Variants in ASS1 observed in about 807,000 individuals in gnomAD.
ASS1 encodes the protein argininosuccinate synthase 1.
In ASS1, 58 loss-of-function variants were observed where a neutral mutation model predicts 60.5. The ratio of observed to expected loss-of-function variants is 0.96; its 90% CI spans 0.78 to 1.19. The LOEUF is 1.19. Among genes scored for constraint, ASS1 ranks in the 50% most tolerant of loss-of-function variants. ASS1 has a pLI of 0.00. For missense variants in ASS1, 454 were observed against 547.3 expected, an observed-to-expected ratio of 0.83 and a Z score of 1.70; for synonymous variants, 200 against 206.9, an observed-to-expected ratio of 0.97 and a Z score of 0.29.
rs1443868871 is a variant in ASS1, at chr9:130,459,595, G to A, written c.363+1006G>A. On this transcript the variant is annotated intron_variant, in intron 4 of 14. Coordinates refer to ENST00000352480, the MANE Select transcript of ASS1 (RefSeq NM_054012.4). The surrounding 1 kb of genome is among the most constrained non-coding windows in gnomAD (Gnocchi z 4.6). ...TACAGGTGTGTACCCCACCACACCC[G>A]GCTAATTTTTTGTATTTTTAGTAGA... is the stretch of plus-strand genomic sequence containing the variant. 6.6e-6 allele frequency among the ~76,000 whole-genome samples: 1 copy of A among 152,024 alleles called. No individual in the cohort carries two copies. The highest frequency in any genetic ancestry group is 1.5e-5 in the Non-Finnish European group (1 of 68,014).
At chr9:130,454,588 G>A (rs1237975786) in intron 3 of ASS1, among the ~76,000 whole-genome samples, 1 of 152,136 alleles carries the variant, frequency 6.6e-6, no homozygotes, top group African/African-American at 2.4e-5. Flanking sequence ...CAGGTGGAGT[G>A]TCTCTTCCCC....
intron 14 of ASS1, among the ~76,000 whole-genome samples, chr9:130,499,839 C>T (rs952003505): frequency 1.3e-5 from 2 of 152,200 alleles, no homozygotes; most frequent in Non-Finnish European, 2.9e-5. Flanking sequence ...TACTTGCCCT[C>T]CCCTCCCGCT....
intron 11 of ASS1, among the ~76,000 whole-genome samples, chr9:130,486,404 C>A (rs535253456): frequency 3.3e-5 from 5 of 152,156 alleles, no homozygotes; most frequent in African/African-American, 9.7e-5. Flanking sequence ...GTGCTAAGTT[C>A]TATGTCCCTG....
At chr9:130,493,045 A>G (rs1846486983) in intron 12 of ASS1, among the ~76,000 whole-genome samples, 1 of 152,050 alleles carries the variant, frequency 6.6e-6, no homozygotes, top group Admixed American at 6.6e-5. Context: ...TGGAAACTTA[A>G]TGGGCTAATT....
chr9:130,449,302 C>T (rs1398339027), intron 1 of ASS1, among the ~76,000 whole-genome samples: 1 of 140,950 alleles, frequency 7.1e-6, no homozygotes, highest in African/African-American at 2.6e-5. Context: ...GAGATTGCAT[C>T]ACTGCACTCC....
Position 130,470,298 on chromosome 9 carries a change from G to A in ASS1, c.496-536G>A, listed in dbSNP as rs754122741. Among the ~76,000 whole-genome samples the A allele has an allele frequency of 1.3e-5, 2 of 152,198 alleles. No individual in the cohort carries two copies. The highest frequency in any genetic ancestry group is 2.9e-5 in the Non-Finnish European group (2 of 68,034). The stretch of plus-strand genomic sequence containing the variant: ...GGATCTGCTGGGTGTTCCCCTTCTA[G>A]GGTCTGCAGAGTGATGTGTGTGGCT... On this transcript the variant is annotated intron_variant, in intron 6 of 14. Coordinates refer to ENST00000352480, the MANE Select transcript of ASS1 (RefSeq NM_054012.4). The surrounding 1 kb of genome is among the most constrained non-coding windows in gnomAD (Gnocchi z 4.3).
chr9:130,450,416 G>T, intron 1 of ASS1: 1 of 902,864 alleles, frequency 1.1e-6, no homozygotes, highest in Non-Finnish European at 1.3e-6. Flanking sequence ...GGCTGCAGTT[G>T]CCATGGATAC....
At chr9:130,485,862 T>A (rs1051139271) in intron 11 of ASS1, among the ~76,000 whole-genome samples, 1 of 152,250 alleles carries the variant, frequency 6.6e-6, no homozygotes, top group Non-Finnish European at 1.5e-5. Flanking sequence ...TATCGTTATA[T>A]CTGCCATTTT....
chr9:130,466,760 C>T lies in ASS1; in HGVS notation c.456C>T (p.Asn152=). 2 of 1,614,136 alleles carry T rather than the reference C, an allele frequency of 1.2e-6. No individual in the cohort carries two copies. The highest frequency in any genetic ancestry group is 8.5e-7 in the Non-Finnish European group (1 of 1,180,030). Reference sequence around the variant, plus strand: ...CCTGGAGGATGCCTGAATTCTACAACCGGTTCAAGGGCCGCAATGACCTGA... The same window carrying T: ...CCTGGAGGATGCCTGAATTCTACAATCGGTTCAAGGGCCGCAATGACCTGA... ...IAPWRMPEFY[N]RFKGRNDLME... Residue 152 remains asparagine (N), a synonymous_variant, in exon 6 of 15, where the codon AAC becomes AAT. Coordinates refer to ENST00000352480, the MANE Select transcript of ASS1 (RefSeq NM_054012.4).
At chr9:130,468,501 T>C (rs1010682124) in intron 6 of ASS1, among the ~76,000 whole-genome samples, 1 of 152,178 alleles carries the variant, frequency 6.6e-6, no homozygotes, top group Non-Finnish European at 1.5e-5. Context: ...AGCCTCAACC[T>C]CCTGGGCTCA....
In ASS1 at chr9:130,480,344, T is replaced by TGTAG. The variant is rs776899301; in HGVS notation, c.774-40_774-39insTAGG. The TGTAG allele has an allele frequency of 7.0e-5, 113 of 1,613,224 alleles. 2 individuals carry two copies. In the South Asian group the frequency reaches 1.2e-3, roughly 17 times the overall value. ...CAGCTGGGTGGGTGACTCTGAGCCTTGCGGTAGCGCCCGAACCTAATGGAC... is the reference window on the plus strand; with the variant it reads ...CAGCTGGGTGGGTGACTCTGAGCCTTGTAGGCGGTAGCGCCCGAACCTAATGGAC... On this transcript the variant is annotated intron_variant, in intron 10 of 14. Transcript: ENST00000352480.
At chr9:130,454,842 A>G (rs1053458867) in intron 3 of ASS1, among the ~76,000 whole-genome samples, 2 of 147,930 alleles carry the variant, frequency 1.4e-5, no homozygotes, top group Admixed American at 1.3e-4. Context: ...TCATCCATCC[A>G]TCCATCCATT....
Position 130,470,823 on chromosome 9 carries a change from C to A in ASS1, c.496-11C>A. Reference sequence around the variant, plus strand: ...CGCCTTACCTCCACCTGTGCTGTCTCTTTCCTGCAGCAACACGGGATTCCC... The same window carrying A: ...CGCCTTACCTCCACCTGTGCTGTCTATTTCCTGCAGCAACACGGGATTCCC... On this transcript the variant is annotated splice_polypyrimidine_tract_variant and intron_variant, in intron 6 of 14. Coordinates refer to ENST00000352480, the MANE Select transcript of ASS1 (RefSeq NM_054012.4). This position sits in a 1 kb window ranked among gnomAD's most constrained non-coding sequence, Gnocchi z 4.3. The A allele has an allele frequency of 1.2e-6, 2 of 1,614,004 alleles. No homozygotes were observed. The highest frequency in any genetic ancestry group is 1.7e-6 in the Non-Finnish European group (2 of 1,179,906).
chr9:130,490,274 A>G (rs1376146683), intron 12 of ASS1, among the ~76,000 whole-genome samples: 1 of 152,208 alleles, frequency 6.6e-6, no homozygotes, highest in Non-Finnish European at 1.5e-5. Context: ...TGTTCAGCTC[A>G]TGAGCTAAGA....
intron 12 of ASS1, among the ~76,000 whole-genome samples, chr9:130,490,194 A>G (rs1486058959): frequency 1.3e-5 from 2 of 152,218 alleles, no homozygotes; most frequent in Non-Finnish European, 2.9e-5. Context: ...CCAAAATCCA[A>G]CCCTCATGTG....
In ASS1 at chr9:130,489,300, T is replaced by A; in HGVS notation, c.839-33T>A. 1 of 1,613,058 alleles carries A rather than the reference T, an allele frequency of 6.2e-7. No individual in the cohort carries two copies. Among genetic ancestry groups the A allele is most frequent in the Non-Finnish European group, 8.5e-7 (1 of 1,179,750 alleles). ...GGGTTTCATGCGTTTCTCTCTTTTT[T>A]CTCCTTTTCCCCCTGCCTGGAAAAA... On this transcript the variant is annotated intron_variant, in intron 11 of 14. Transcript: ENST00000352480. The surrounding 1 kb of genome is among the most constrained non-coding windows in gnomAD (Gnocchi z 4.1).
At chr9:130,483,003 T>A (rs1432637599) in intron 11 of ASS1, among the ~76,000 whole-genome samples, 1 of 152,190 alleles carries the variant, frequency 6.6e-6, no homozygotes. Context: ...GGTCGTATCA[T>A]CTCCCTCTGA....
At chr9:130,471,045 G>A (rs1415429221) in intron 7 of ASS1, 141 bp downstream of exon 7, 19 of 952,780 alleles carry the variant, frequency 2.0e-5, no homozygotes, top group Admixed American at 1.5e-4. Context: ...GCAGGACAGA[G>A]GTCGAAGCGC....
At chr9:130,455,341 A>G (rs1342108224) in intron 3 of ASS1, among the ~76,000 whole-genome samples, 2 of 150,068 alleles carry the variant, frequency 1.3e-5, no homozygotes, top group Non-Finnish European at 3.0e-5. Context: ...TCTGTCATTA[A>G]TCCCTCCACT....
Sources: allele counts gnomAD v4.1 joint callset (sites outside exome capture counted in the v4.1 genomes callset), GRCh38; gene constraint gnomAD v4.1.1; non-coding constraint Gnocchi (gnomAD v3.1); transcripts MANE v1.5; gene names NCBI Gene and HGNC (gene_info 2026-07-23, HGNC 2026-07-21).